Variants in SEMA3D observed in about 807,000 individuals in gnomAD.
The protein encoded by SEMA3D is semaphorin 3D, also known as semaphorin-3D.
In SEMA3D, 84 loss-of-function variants were observed where a neutral mutation model predicts 100.1. That is an observed-to-expected ratio of 0.84 (90% CI 0.70 to 1.01). The LOEUF (loss-of-function observed/expected upper bound fraction) is 1.01, where lower values mean the gene tolerates loss of function less well. SEMA3D is among the 50% of genes least tolerant of loss of function. SEMA3D has a pLI of 0.00. For missense variants in SEMA3D, 875 were observed against 934.1 expected, an observed-to-expected ratio of 0.94 and a Z score of 0.82; for synonymous variants, 312 against 320.7, an observed-to-expected ratio of 0.97 and a Z score of 0.29.
intron 2 of SEMA3D, chr7:85,142,449 A>G (rs1790080015): frequency 1.0e-6 from 1 of 958,704 alleles, no homozygotes; most frequent in African/African-American, 1.8e-5. Flanking sequence ...TATTTATAAA[A>G]GACACAGATT....
At chr7:85,069,736 C>T (rs1791721149) in intron 6 of SEMA3D, among the ~76,000 whole-genome samples, 1 of 152,144 alleles carries the variant, frequency 6.6e-6, no homozygotes, top group Non-Finnish European at 1.5e-5. Flanking sequence ...TTTATCACAA[C>T]TCAGCAACAT....
At chr7:85,151,302 T>C (rs1790377651) in intron 2 of SEMA3D, among the ~76,000 whole-genome samples, 2 of 152,098 alleles carry the variant, frequency 1.3e-5, no homozygotes, top group African/African-American at 4.8e-5. Context: ...TCATTTCTTT[T>C]TTCATTCTTC....
chr7:85,051,090 G>A (rs1791150998), intron 9 of SEMA3D, among the ~76,000 whole-genome samples: 1 of 151,760 alleles, frequency 6.6e-6, no homozygotes, highest in Non-Finnish European at 1.5e-5. Flanking sequence ...AGTTACCCTT[G>A]TTTTTGGCAC....
intron 2 of SEMA3D, among the ~76,000 whole-genome samples, chr7:85,135,558 T>A (rs1174124766): frequency 6.6e-6 from 1 of 151,620 alleles, no homozygotes; most frequent in East Asian, 1.9e-4. Flanking sequence ...CTAATGTAAA[T>A]GATGAGTTAA....
Position 85,051,750 on chromosome 7 carries a change from ATTTT to A in SEMA3D, c.861+3963_861+3966del, listed in dbSNP as rs965723441. 5.3e-5 allele frequency among the ~76,000 whole-genome samples: 8 copies of A among 151,876 alleles called. No homozygotes were observed. In the East Asian group the frequency reaches 1.5e-3, roughly 29 times the overall value. On this transcript the variant is annotated intron_variant, in intron 9 of 18. Coordinates refer to ENST00000284136, the MANE Select transcript of SEMA3D (RefSeq NM_001384900.1). ...CCAAATATAAAAATCTGTGCTCATAATTTTTTTTGTTATTTACCATCTCATATCA... is the reference window on the plus strand; with the variant it reads ...CCAAATATAAAAATCTGTGCTCATAATTTTGTTATTTACCATCTCATATCA...
intron 9 of SEMA3D, among the ~76,000 whole-genome samples, chr7:85,046,615 T>C (rs1200072859): frequency 1.3e-5 from 2 of 151,970 alleles, no homozygotes; most frequent in Non-Finnish European, 2.9e-5. Context: ...GACTGGATAG[T>C]AACTCTTACA....
intron 17 of SEMA3D, among the ~76,000 whole-genome samples, chr7:85,011,609 C>T (rs1437757750): frequency 4.0e-5 from 6 of 151,732 alleles, no homozygotes; most frequent in African/African-American, 1.5e-4. Context: ...TTGTTCATTG[C>T]TGTATCCTCA....
intron 5 of SEMA3D, among the ~76,000 whole-genome samples, chr7:85,077,672 C>T (rs1231251644): frequency 6.6e-6 from 1 of 151,972 alleles, no homozygotes; most frequent in African/African-American, 2.4e-5. Flanking sequence ...CATTCATATG[C>T]ATTTGTATTA....
At chr7:85,041,644 A>G (rs1790868222) in intron 10 of SEMA3D, 1 of 152,366 alleles carries the variant, frequency 6.6e-6, no homozygotes, top group Admixed American at 6.5e-5. Flanking sequence ...TTATACATAA[A>G]CAAAAAAGAA....
At chr7:85,221,717 G>C in the SEMA3D span, among the ~76,000 whole-genome samples, 3,101 of 152,018 alleles carry the variant, frequency 0.02, 104 homozygotes, top group African/African-American at 0.072. Context: ...ATCTTTAGGA[G>C]AAAGAAAAGG....
In SEMA3D at chr7:85,125,783, C is replaced by CGT. The variant is rs79570607; in HGVS notation, c.-40-3854_-40-3853dup. Among the ~76,000 whole-genome samples the CGT allele has an allele frequency of 7.8e-3, 890 of 113,870 alleles. 8 individuals carry two copies. Among genetic ancestry groups the CGT allele is most frequent in the East Asian group, 0.054 (223 of 4,114 alleles). The allele number at this position is 113,870 out of a possible 152,430, so 74.7% of individuals were successfully genotyped here. On this transcript the variant is annotated intron_variant, in intron 2 of 18. Transcript: ENST00000284136. ...TACTCTATTGATATTTTGCTGTCTT[C>CGT]GTGTGTGTGTGTGTGTGTGTGTTGT...
intron 7 of SEMA3D, among the ~76,000 whole-genome samples, chr7:85,066,913 C>CAGAGAGAGAG (rs201123647): frequency 0.011 from 1,394 of 127,788 alleles, 17 homozygotes; most frequent in South Asian, 0.023. Flanking sequence ...CACACACACA[C>CAGAGAGAGAG]AGAGAGAGAG....
intron 17 of SEMA3D, among the ~76,000 whole-genome samples, chr7:85,008,714 A>G (rs1407872178): frequency 1.3e-5 from 2 of 151,894 alleles, no homozygotes; most frequent in East Asian, 1.9e-4. Context: ...GAATAAGTGT[A>G]AGAAAATGAT....
At chr7:85,112,412 G>T (rs1239149502) in intron 3 of SEMA3D, among the ~76,000 whole-genome samples, 2 of 152,132 alleles carry the variant, frequency 1.3e-5, no homozygotes, top group African/African-American at 2.4e-5. Context: ...AAATGTGGGA[G>T]GTTCAAAACA....
At chr7:85,212,173 C>A in the SEMA3D span, among the ~76,000 whole-genome samples, 1 of 150,530 alleles carries the variant, frequency 6.6e-6, no homozygotes, top group African/African-American at 2.5e-5. Context: ...TTTAGCAAGG[C>A]CTGTTTGTTC....
chr7:85,150,553 C>T (rs1291650913), intron 2 of SEMA3D, among the ~76,000 whole-genome samples: 1 of 147,508 alleles, frequency 6.8e-6, no homozygotes, highest in African/African-American at 2.5e-5. Context: ...TATATATATT[C>T]TGTAAATAGA....
chr7:85,094,230 C>G (rs970185183), intron 4 of SEMA3D, among the ~76,000 whole-genome samples: 18 of 151,840 alleles, frequency 1.2e-4, no homozygotes, highest in Non-Finnish European at 5.9e-5. Context: ...CTAGGAAGAG[C>G]CTTAGAAGTC....
chr7:85,167,453 C>T (rs1790937168), intron 1 of SEMA3D: 1 of 872,364 alleles, frequency 1.1e-6, no homozygotes, highest in South Asian at 5.3e-5. Context: ...GAAGCTGATA[C>T]TAATGTTGGA....
At chr7:85,037,970 C>T (rs1005519583) in intron 11 of SEMA3D, among the ~76,000 whole-genome samples, 1 of 141,160 alleles carries the variant, frequency 7.1e-6, no homozygotes, top group Non-Finnish European at 1.5e-5. Flanking sequence ...GTTTTTTGTC[C>T]TTGCGAATAG....
Sources: allele counts gnomAD v4.1 joint callset (sites outside exome capture counted in the v4.1 genomes callset), GRCh38; gene constraint gnomAD v4.1.1; transcripts MANE v1.5; gene names NCBI Gene and HGNC (gene_info 2026-07-23, HGNC 2026-07-21).